MAST4: variants seen among roughly 807,000 people sequenced by gnomAD.
The protein encoded by MAST4 is microtubule associated serine/threonine kinase family member 4, also known as microtubule-associated serine/threonine-protein kinase 4.
In MAST4, 89 loss-of-function variants were observed where a neutral mutation model predicts 162.7. The ratio of observed to expected loss-of-function variants is 0.55; its 90% confidence interval spans 0.46 to 0.65. The LOEUF (loss-of-function observed/expected upper bound fraction) is 0.65, where lower values mean the gene tolerates loss of function less well. Ranked by LOEUF, MAST4 falls within the 30% of genes least tolerant of loss-of-function variation. The pLI is 0.00. For missense variants in MAST4, 3,153 were observed against 3,374.0 expected (o/e 0.93, Z 1.62); for synonymous variants, 1,479 against 1,361.1 (o/e 1.09, Z -1.91).
chr5:66,660,403 G>T (rs1396172548), intron 1 of MAST4, among the ~76,000 whole-genome samples: 4 of 152,110 alleles, frequency 2.6e-5, no homozygotes, highest in Non-Finnish European at 5.9e-5. Context: ...GCATATGCTT[G>T]TGAAGACATA....
chr5:67,104,596 A>C, intron 10 of MAST4, 21 bp downstream of exon 10: 5 of 1,592,802 alleles, frequency 3.1e-6, no homozygotes, highest in Non-Finnish European at 4.3e-6. Context: ...TGTACCATAT[A>C]GTTTTCTGAT....
At chr5:66,759,944 C>A in intron 2 of MAST4, 82 bp downstream of exon 2, 1 of 1,477,544 alleles carries the variant, frequency 6.8e-7, no homozygotes, top group Non-Finnish European at 9.2e-7. Flanking sequence ...CACATGTAAT[C>A]AGCTTTCTTA....
At chr5:66,703,355 A>T (rs1386933781) in intron 1 of MAST4, among the ~76,000 whole-genome samples, 3 of 152,228 alleles carry the variant, frequency 2.0e-5, no homozygotes, top group African/African-American at 7.2e-5. Context: ...AAGCAGTAAT[A>T]TTGACCATCT....
In MAST4 at chr5:67,130,346, C is replaced by T; in HGVS notation, c.1882C>T (p.Pro628Ser). ...ERDILTFAEN[P>S]FVVSMYCSFE... is the part of the protein sequence containing the mutation. ...GGATATCCTGACTTTTGCAGAAAAC[C>T]CCTTTGTTGTCAGCATGTATTGCTC... Residue 628 changes from proline to serine, a missense_variant, in exon 15 of 29, where the codon CCC becomes TCC. By Grantham distance (74) the Pro-to-Ser change is moderately conservative (BLOSUM62 -1). This residue lies in a region of MAST4 where 131 missense variants were observed against 253.8 expected (regional missense o/e 0.52). Transcript: ENST00000403625. The T allele has an allele frequency of 1.2e-6, 2 of 1,613,984 alleles. No individual in the cohort carries two copies. The highest frequency in any genetic ancestry group is 1.7e-6 in the Non-Finnish European group (2 of 1,179,910).
chr5:66,957,085 A>T (rs1745406123), intron 4 of MAST4, among the ~76,000 whole-genome samples: 1 of 152,190 alleles, frequency 6.6e-6, no homozygotes, highest in African/African-American at 2.4e-5. Context: ...TCCATTGGCT[A>T]TATGGAACTG....
intron 3 of MAST4, among the ~76,000 whole-genome samples, chr5:66,858,518 T>C (rs1759851976): frequency 6.6e-6 from 1 of 152,216 alleles, no homozygotes; most frequent in African/African-American, 2.4e-5. Flanking sequence ...TTTTCAGTTC[T>C]CTACTTGCCC....
At chr5:66,854,755 A>G (rs1422217626) in intron 3 of MAST4, among the ~76,000 whole-genome samples, 2 of 152,022 alleles carry the variant, frequency 1.3e-5, no homozygotes, top group Non-Finnish European at 2.9e-5. Flanking sequence ...AGGACAGACT[A>G]AAAAAAGGTA....
At chr5:66,955,385 ATG>A (rs1439509355) in intron 4 of MAST4, among the ~76,000 whole-genome samples, 4 of 152,080 alleles carry the variant, frequency 2.6e-5, no homozygotes, top group African/African-American at 9.6e-5. Context: ...TGCTTGGTAT[ATG>A]TGAAGGGTAG....
intron 6 of MAST4, 39 bp downstream of exon 6, chr5:67,090,270 G>A (rs1260747118): frequency 1.3e-6 from 2 of 1,509,872 alleles, no homozygotes; most frequent in East Asian, 4.6e-5. Context: ...AGGTCTTATA[G>A]AGAGAATCCC....
intron 1 of MAST4, among the ~76,000 whole-genome samples, chr5:66,700,627 T>C (rs1749703833): frequency 1.3e-5 from 2 of 151,824 alleles, no homozygotes. Flanking sequence ...GAGGTTGCAG[T>C]GAGCCGAGAT....
intron 1 of MAST4, among the ~76,000 whole-genome samples, chr5:66,659,832 A>T (rs1746789801): frequency 6.6e-6 from 1 of 152,238 alleles, no homozygotes. Context: ...TGAGGGGATG[A>T]CCTCACAAAG....
Position 66,986,616 on chromosome 5 carries a change from A to ATATT in MAST4, c.675-67770_675-67767dup, listed in dbSNP as rs1554077142. The ATATT allele has an allele frequency of 2.0e-3, 391 of 199,644 alleles. 4 individuals are homozygous for ATATT. Among genetic ancestry groups the ATATT allele is most frequent in the East Asian group, 0.014 (91 of 6,640 alleles). The allele number at this position is 199,644 out of a possible 1,614,324, so 12.4% of individuals were successfully genotyped here. A position where few individuals can be genotyped will look rare whatever the true frequency, so the allele number is the denominator to read the frequency against. Reference sequence around the variant, plus strand: ...TGTATGAATTTATATATATATATATATATTTATTTATTTATTTATTTTGAG... The same window carrying ATATT: ...TGTATGAATTTATATATATATATATATATTTATTTATTTATTTATTTATTTTGAG... On this transcript the variant is annotated intron_variant, in intron 4 of 28. Coordinates refer to ENST00000403625, the MANE Select transcript of MAST4 (RefSeq NM_001164664.2).
At chr5:66,844,909 A>G (rs1190062115) in intron 3 of MAST4, among the ~76,000 whole-genome samples, 1 of 151,672 alleles carries the variant, frequency 6.6e-6, no homozygotes, top group Non-Finnish European at 1.5e-5. Flanking sequence ...AGAAGGATAC[A>G]TATGAGCTTG....
In MAST4 at chr5:66,788,738, G is replaced by A. The variant is rs369899614; in HGVS notation, c.586G>A (p.Val196Met). 21 of 1,612,926 alleles carry A rather than the reference G, an allele frequency of 1.3e-5. No homozygotes were observed. The East Asian group carries it at 1.3e-4, about 10-fold the overall frequency. Residue 196 changes from valine (V) to methionine (M), a missense_variant, in exon 3 of 29, where the codon GTG becomes ATG. Transcript: ENST00000403625. ...WPASAETSNL[V>M]RMRSQALGQS... ...GGCCTCTGCAGAGACGTCCAACCTC[G>A]TGCGCATGCGCAGCCAGGCCCTGGG...
At chr5:66,697,452 T>C (rs1749481515) in intron 1 of MAST4, among the ~76,000 whole-genome samples, 1 of 152,256 alleles carries the variant, frequency 6.6e-6, no homozygotes, top group South Asian at 2.1e-4. Flanking sequence ...AAGAAACTAG[T>C]ACTTGTTGAG....
At chr5:67,016,037 A>G (rs1753250429) in intron 4 of MAST4, among the ~76,000 whole-genome samples, 1 of 152,192 alleles carries the variant, frequency 6.6e-6, no homozygotes, top group Non-Finnish European at 1.5e-5. Flanking sequence ...AAAGATATGT[A>G]TAGCATGATC....
rs183530641 is a variant in MAST4 at position 67,016,040 on chromosome 5, G to A, written c.675-38364G>A. ...CACCTGGGAAACAAAGATATGTATA[G>A]CATGATCCTTTTCTTCAAGTAGCTC... On this transcript the variant is annotated intron_variant, in intron 4 of 28. Transcript: ENST00000403625. Among the ~76,000 whole-genome samples the A allele has an allele frequency of 1.1e-3, 171 of 152,262 alleles. 1 individual carries two copies. Among genetic ancestry groups the A allele is most frequent in the African/African-American group, 4.0e-3 (166 of 41,532 alleles).
rs1241535640 is a variant in MAST4, at chr5:67,149,372, CCTT to C, written c.3095-10_3095-8del. 9 of 1,605,732 alleles carry C rather than the reference CCTT, an allele frequency of 5.6e-6. No individual in the cohort carries two copies. Among genetic ancestry groups the C allele is most frequent in the South Asian group, 4.5e-5 (4 of 89,332 alleles). On this transcript the variant is annotated splice_polypyrimidine_tract_variant and intron_variant, in intron 23 of 28. Transcript: ENST00000403625. ...CTGGATTTTCCTGAATGTGTTTATC[CCTT>C]CTTCTTTGTACAGTTGGCAGTTTTT...
chr5:66,925,312 A>C (rs745448387), intron 4 of MAST4, among the ~76,000 whole-genome samples: 1 of 152,192 alleles, frequency 6.6e-6, no homozygotes, highest in Non-Finnish European at 1.5e-5. Context: ...GCATTTCCTC[A>C]GTTTCAGTAA....
Sources: allele counts gnomAD v4.1 joint callset (sites outside exome capture counted in the v4.1 genomes callset), GRCh38; gene constraint gnomAD v4.1.1; regional missense constraint gnomAD v4.1.1; transcripts MANE v1.5; gene names NCBI Gene and HGNC (gene_info 2026-07-23, HGNC 2026-07-21).